KAZN: variants seen among roughly 807,000 people sequenced by gnomAD.
KAZN encodes kazrin, periplakin interacting protein, also known as kazrin.
A neutral mutation model predicts 87.4 loss-of-function variants in KAZN; 40 were observed. The observed-to-expected ratio is 0.46, with a 90% confidence interval of 0.36 to 0.60. The LOEUF is 0.60. KAZN is among the 20% of genes least tolerant of loss of function. The probability of loss-of-function intolerance (pLI) is 0.00; values close to 1 mark genes in which losing one functional copy is unlikely to be tolerated. For synonymous variants in KAZN, 466 were observed against 458.3 expected, an observed-to-expected ratio of 1.02 and a Z score of -0.22; for missense variants, 898 against 1,073.9, an observed-to-expected ratio of 0.84 and a Z score of 2.29.
At chr1:14,311,443 C>G (rs1655290152) in intron 2 of KAZN, among the ~76,000 whole-genome samples, 1 of 152,144 alleles carries the variant, frequency 6.6e-6, no homozygotes, top group Non-Finnish European at 1.5e-5. Context: ...ATGATGAAGG[C>G]AATTTCCTCC....
chr1:14,380,269 T>C (rs11586907), intron 2 of KAZN, among the ~76,000 whole-genome samples: 29,727 of 152,144 alleles, frequency 0.2, 3,545 homozygotes, highest in Non-Finnish European at 0.27. Context: ...CAAGCCCAGA[T>C]AGAGAAGACT....
intron 4 of KAZN, among the ~76,000 whole-genome samples, chr1:15,052,892 C>T (rs1453651903): frequency 6.6e-6 from 1 of 152,180 alleles, no homozygotes; most frequent in African/African-American, 2.4e-5. Flanking sequence ...CAGGCCCAGA[C>T]AGAGATGAGA....
chr1:14,971,381 G>T (rs1024888847), intron 2 of KAZN, among the ~76,000 whole-genome samples: 5 of 152,206 alleles, frequency 3.3e-5, no homozygotes, highest in Non-Finnish European at 5.9e-5. Context: ...CTGGGCGACA[G>T]AGCGAGACTG....
intron 1 of KAZN, among the ~76,000 whole-genome samples, chr1:14,677,573 G>A (rs533605278): frequency 6.6e-5 from 10 of 152,240 alleles, no homozygotes; most frequent in East Asian, 3.9e-4. Flanking sequence ...AGACCTTGGC[G>A]ATGACAGGCA....
At chr1:15,087,441 G>A (rs1027621905) in intron 8 of KAZN, among the ~76,000 whole-genome samples, 1 of 150,144 alleles carries the variant, frequency 6.7e-6, no homozygotes, top group Non-Finnish European at 1.5e-5. Flanking sequence ...CGCCCAGGCA[G>A]GAGTGTAGTG....
intron 2 of KAZN, among the ~76,000 whole-genome samples, chr1:14,390,402 A>T (rs116969236): frequency 6.6e-6 from 1 of 152,360 alleles, no homozygotes; most frequent in East Asian, 1.9e-4. Flanking sequence ...GGTGGATAAG[A>T]GTTAAAATGT....
At chr1:14,252,855 A>G (rs970428197) in intron 2 of KAZN, among the ~76,000 whole-genome samples, 1 of 152,170 alleles carries the variant, frequency 6.6e-6, no homozygotes, top group Non-Finnish European at 1.5e-5. Flanking sequence ...GCTGTACTCC[A>G]TGTAGACATC....
At chr1:13,931,860 C>T (rs4662047) in intron 1 of KAZN, among the ~76,000 whole-genome samples, 76,415 of 151,954 alleles carry the variant, frequency 0.5, 19,582 homozygotes, top group Admixed American at 0.58. Flanking sequence ...TTCTTTGAAA[C>T]GGAGTCTCGC....
chr1:14,024,993 A>AG (rs1358027561), intron 1 of KAZN, among the ~76,000 whole-genome samples: 1 of 152,238 alleles, frequency 6.6e-6, no homozygotes, highest in African/African-American at 2.4e-5. Context: ...TTGATAATTA[A>AG]GGAAAATTAG....
chr1:14,644,599 G>T (rs764716128), intron 1 of KAZN, among the ~76,000 whole-genome samples: 3 of 152,142 alleles, frequency 2.0e-5, no homozygotes, highest in Non-Finnish European at 4.4e-5. Context: ...CTGAGCTCGT[G>T]ATCCGCCTGC....
chr1:14,672,859 A>C (rs1181845470), intron 1 of KAZN, among the ~76,000 whole-genome samples: 2 of 152,142 alleles, frequency 1.3e-5, no homozygotes, highest in African/African-American at 2.4e-5. Context: ...TGGGCACAGG[A>C]TAGGGCTACC....
At chr1:14,920,276 GTTTTTTTTTTTT>G (rs55641056) in intron 1 of KAZN, among the ~76,000 whole-genome samples, 1 of 94,158 alleles carries the variant, frequency 1.1e-5, no homozygotes, top group South Asian at 3.9e-4. Context: ...CCTCTTTTCT[GTTTTTTTTTTTT>G]TTTTTTTTGG....
intron 2 of KAZN, among the ~76,000 whole-genome samples, chr1:14,563,888 T>TTTTTTTTTTTTTTTTTTTTTA (rs70997161): frequency 6.8e-6 from 1 of 147,934 alleles, no homozygotes. Flanking sequence ...TTTTTTTTTT[T>TTTTTTTTTTTTTTTTTTTTTA]GTCTGAGACA....
chr1:14,659,684 T>C (rs1273363316), intron 1 of KAZN, among the ~76,000 whole-genome samples: 1 of 152,152 alleles, frequency 6.6e-6, no homozygotes. Flanking sequence ...CTGAATTGGA[T>C]AGATCATTTT....
chr1:14,107,763 G>C (rs188261532), intron 1 of KAZN, among the ~76,000 whole-genome samples: 173 of 152,284 alleles, frequency 1.1e-3, no homozygotes, highest in African/African-American at 3.8e-3. Context: ...TGTATGCTGG[G>C]TTGTGTGCCC....
chr1:14,521,791 C>T (rs116224096), intron 2 of KAZN, among the ~76,000 whole-genome samples: 5,439 of 152,172 alleles, frequency 0.036, 313 homozygotes, highest in African/African-American at 0.12. Context: ...TTGAGTCGAC[C>T]TTGAGTTAGG....
At chr1:14,331,340 A>G (rs1016070334) in intron 2 of KAZN, among the ~76,000 whole-genome samples, 1 of 152,158 alleles carries the variant, frequency 6.6e-6, no homozygotes, top group Non-Finnish European at 1.5e-5. Flanking sequence ...ATGCACCCGC[A>G]TTGTGGAAAT....
chr1:14,033,700 G>T (rs149085688), intron 1 of KAZN, among the ~76,000 whole-genome samples: 1 of 152,144 alleles, frequency 6.6e-6, no homozygotes, highest in Non-Finnish European at 1.5e-5. Flanking sequence ...GCCACACAAG[G>T]CTCCCCAATC....
intron 7 of KAZN, among the ~76,000 whole-genome samples, chr1:15,063,963 G>A (rs546437177): frequency 6.6e-6 from 1 of 152,318 alleles, no homozygotes; most frequent in African/African-American, 2.4e-5. Flanking sequence ...ACCTGGGCCC[G>A]CCTGGCCCTG....
Sources: gnomAD v4.1 joint callset for allele counts (sites outside exome capture counted in the v4.1 genomes callset) on GRCh38, gnomAD v4.1.1 for gene constraint, MANE v1.5 for transcripts, NCBI Gene and HGNC (gene_info 2026-07-23, HGNC 2026-07-21) for gene names.